The following CLDN16 variants were observed in gnomAD, a reference collection of about 807,000 sequenced individuals.
CLDN16 encodes claudin 16.
Under a neutral mutation model 24.6 loss-of-function variants are expected in CLDN16, and 13 were observed. The ratio of observed to expected loss-of-function variants is 0.53; its 90% CI spans 0.34 to 0.84. The LOEUF is 0.84. CLDN16 is among the 40% of genes least tolerant of loss of function. The pLI is 0.01. For synonymous variants in CLDN16, 116 were observed against 106.7 expected (o/e 1.09, Z -0.54); for missense variants, 298 against 292.7 (o/e 1.02, Z -0.13).
rs370592530 is a variant in CLDN16 at position 190,402,372 on chromosome 3, C to T, written c.150C>T (p.Cys50=). The change falls in exon 2 of 5, where the codon TGC becomes TGT. Residue 50 remains cysteine, a synonymous_variant. Coordinates refer to ENST00000264734, the MANE Select transcript of CLDN16 (RefSeq NM_006580.4). ...AATGCCGAGGCCTCTGGTGGGAATG[C>T]GTCACAAATGCTTTTGATGGGATTC... ...STKCRGLWWE[C]VTNAFDGIRT... is the part of the protein sequence containing the mutation. The T allele has an allele frequency of 2.5e-5, 40 of 1,613,850 alleles. No individual in the cohort carries two copies. The highest frequency in any genetic ancestry group is 1.6e-4 in the African/African-American group (12 of 74,882).
chr3:190,324,094 G>A (rs1717003332), intron 1 of CLDN16, among the ~76,000 whole-genome samples: 1 of 152,200 alleles, frequency 6.6e-6, no homozygotes, highest in South Asian at 2.1e-4. Flanking sequence ...ATTTGCTGCA[G>A]GACTAGAGCA....
At chr3:190,328,893 C>T (rs1187612704) in intron 1 of CLDN16, among the ~76,000 whole-genome samples, 3 of 152,132 alleles carry the variant, frequency 2.0e-5, no homozygotes, top group African/African-American at 7.2e-5. Flanking sequence ...TACTATGCAG[C>T]TCTATGGTTT....
intron 1 of CLDN16, among the ~76,000 whole-genome samples, chr3:190,329,003 A>G (rs1453342368): frequency 6.6e-6 from 1 of 152,216 alleles, no homozygotes; most frequent in Non-Finnish European, 1.5e-5. Flanking sequence ...GGTAGTGCAC[A>G]ACGTAAATAG....
chr3:190,323,029 G>T (rs59024566), intron 1 of CLDN16, among the ~76,000 whole-genome samples: 1 of 68,074 alleles, frequency 1.5e-5, no homozygotes, highest in African/African-American at 6.2e-5. Context: ...CACACACACA[G>T]ACACACTCAC....
the CLDN16 span, chr3:190,308,025 G>T: frequency 2.3e-6 from 1 of 433,158 alleles, no homozygotes; most frequent in Non-Finnish European, 4.3e-6. Context: ...AGTTGAGTAT[G>T]ATTACTCAAT....
At chr3:190,364,413 T>C (rs1220197473) in intron 1 of CLDN16, among the ~76,000 whole-genome samples, 1 of 151,960 alleles carries the variant, frequency 6.6e-6, no homozygotes, top group Non-Finnish European at 1.5e-5. Context: ...CTTATGACTT[T>C]GTGGTTCTGA....
chr3:190,308,591 A>T, the CLDN16 span: 4 of 755,176 alleles, frequency 5.3e-6, no homozygotes, highest in Non-Finnish European at 8.8e-6. Flanking sequence ...ATTTCTGAAC[A>T]TACACGCCAA....
At chr3:190,314,588 A>G in the CLDN16 span, among the ~76,000 whole-genome samples, 1 of 150,700 alleles carries the variant, frequency 6.6e-6, no homozygotes, top group East Asian at 1.9e-4. Flanking sequence ...GGTATTTAGT[A>G]GAGATGGGTT....
intron 1 of CLDN16, among the ~76,000 whole-genome samples, chr3:190,336,936 A>T (rs979725038): frequency 8.5e-5 from 13 of 152,240 alleles, no homozygotes; most frequent in Non-Finnish European, 1.6e-4. Flanking sequence ...TGTAAGCTGG[A>T]TGAACAAATA....
the CLDN16 span, among the ~76,000 whole-genome samples, chr3:190,292,421 A>C: frequency 6.6e-6 from 1 of 152,206 alleles, no homozygotes; most frequent in Non-Finnish European, 1.5e-5. Flanking sequence ...CCCTGAGCCC[A>C]GCCCATGAAA....
chr3:190,393,905 C>G (rs1166275894), intron 1 of CLDN16, among the ~76,000 whole-genome samples: 1 of 151,968 alleles, frequency 6.6e-6, no homozygotes, highest in Non-Finnish European at 1.5e-5. Context: ...CAAGCACCAC[C>G]ACACCCGGCT....
chr3:190,299,324 G>C, the CLDN16 span, among the ~76,000 whole-genome samples: 1 of 152,078 alleles, frequency 6.6e-6, no homozygotes, highest in African/African-American at 2.4e-5. Context: ...GTTTTTAAAA[G>C]TGTTCTCAAT....
At chr3:190,319,615 C>T (rs946752812), upstream of CLDN16, among the ~76,000 whole-genome samples, 9 of 152,122 alleles carry the variant, frequency 5.9e-5, no homozygotes, top group African/African-American at 2.2e-4. Context: ...TGCATCTGGC[C>T]GGGAAGACAA....
the CLDN16 span, among the ~76,000 whole-genome samples, chr3:190,297,638 AAT>A: frequency 7.1e-6 from 1 of 141,622 alleles, no homozygotes; most frequent in African/African-American, 2.6e-5. Flanking sequence ...TATAATATAT[AAT>A]ATATATCTAT....
upstream of CLDN16, among the ~76,000 whole-genome samples, chr3:190,384,284 T>C (rs73192452): frequency 0.013 from 2,011 of 152,226 alleles, 24 homozygotes; most frequent in Non-Finnish European, 0.021. Context: ...CTAATAAATA[T>C]AGAGGGAACA....
At chr3:190,313,196 T>C in the CLDN16 span, 2 of 702,010 alleles carry the variant, frequency 2.8e-6, no homozygotes, top group East Asian at 2.7e-5. Flanking sequence ...TAACCCAATA[T>C]ACAGTATCTT....
At chr3:190,301,350 C>G in the CLDN16 span, among the ~76,000 whole-genome samples, 1 of 152,016 alleles carries the variant, frequency 6.6e-6, no homozygotes, top group Admixed American at 6.6e-5. Context: ...CAAAAATTAG[C>G]CGGGTGTGGT....
In CLDN16 at chr3:190,408,389, A is replaced by G. The variant is rs201367228; in HGVS notation, c.458A>G (p.Asn153Ser). ...GAACGTTCTACTTTGGTTTTGCACAATATATTTCTTGGTATCCAATATAAA... is the reference window on the plus strand; with the variant it reads ...GAACGTTCTACTTTGGTTTTGCACAGTATATTTCTTGGTATCCAATATAAA... The part of the protein sequence containing the change: ...YVERSTLVLH[N>S]IFLGIQYKFG... The change falls in exon 4 of 5, where the codon AAT becomes AGT. Residue 153 changes from asparagine to serine, a missense_variant. Physicochemically the swap from Asn to Ser is conservative, Grantham distance 46. Transcript: ENST00000264734. 3.1e-4 allele frequency: 504 copies of G among 1,614,116 alleles called. 2 individuals are homozygous for G. Among genetic ancestry groups the G allele is most frequent in the Middle Eastern group, 2.0e-3 (12 of 6,062 alleles).
At chr3:190,362,250 T>A (rs1053396585) in intron 1 of CLDN16, among the ~76,000 whole-genome samples, 3 of 151,952 alleles carry the variant, frequency 2.0e-5, no homozygotes, top group Admixed American at 2.0e-4. Flanking sequence ...CATTTCAGCA[T>A]CACTATTGTA....
Sources: gnomAD v4.1 joint callset for allele counts (sites outside exome capture counted in the v4.1 genomes callset) on GRCh38, gnomAD v4.1.1 for gene constraint, MANE v1.5 for transcripts, NCBI Gene and HGNC (gene_info 2026-07-23, HGNC 2026-07-21) for gene names.